The following PCDHGA5 variants were observed in gnomAD, a reference collection of about 807,000 sequenced individuals.
The protein encoded by PCDHGA5 is protocadherin gamma subfamily A, 5.
A neutral mutation model predicts 56.7 loss-of-function variants in PCDHGA5; 36 were observed. That is an observed-to-expected ratio of 0.64 (90% confidence interval 0.49 to 0.84). The LOEUF (loss-of-function observed/expected upper bound fraction) is 0.84, where lower values mean the gene tolerates loss of function less well. Among genes scored for constraint, PCDHGA5 ranks in the 40% least tolerant of loss-of-function variants. The probability of loss-of-function intolerance (pLI) is 0.00; values close to 1 mark genes in which losing one functional copy is unlikely to be tolerated. For missense variants in PCDHGA5, 1,305 were observed against 1,201.5 expected (o/e 1.09, Z -1.27); for synonymous variants, 563 against 520.2 (o/e 1.08, Z -1.12).
intron 1 of PCDHGA5, chr5:141,423,755 G>GGT (rs1554116817): frequency 5.9e-6 from 3 of 512,508 alleles, no homozygotes; most frequent in Non-Finnish European, 7.8e-6. Context: ...CTGTTTGGGG[G>GGT]GGGGGTGGGG....
intron 1 of PCDHGA5, chr5:141,409,596 AC>A: frequency 6.2e-7 from 1 of 1,613,714 alleles, no homozygotes; most frequent in Non-Finnish European, 8.5e-7. Flanking sequence ...GCCGAGAACA[AC>A]CCGCCAGGAG....
At chr5:141,377,416 G>A (rs1455830122) in intron 1 of PCDHGA5, 5 of 151,976 alleles carry the variant, frequency 3.3e-5, no homozygotes, top group Non-Finnish European at 5.9e-5. Context: ...GACCAGCCTG[G>A]GTGACTCTGT....
In PCDHGA5 at chr5:141,491,907, G is replaced by A; in HGVS notation, c.2422-2900G>A. 5 of 1,408,726 alleles carry A rather than the reference G, an allele frequency of 3.5e-6. No homozygotes were observed. In the South Asian group the frequency reaches 7.5e-5, roughly 21 times the overall value. The allele number at this position is 1,408,726 out of a possible 1,614,324, so 87.3% of individuals were successfully genotyped here. A position where few individuals can be genotyped will look rare whatever the true frequency, so the allele number is the denominator to read the frequency against. ...TGGGGCTCCGAGCACCGGGGGTGGTGGCGACTGTGGGCGAGGGGAGGTGGG... is the reference window on the plus strand; with the variant it reads ...TGGGGCTCCGAGCACCGGGGGTGGTAGCGACTGTGGGCGAGGGGAGGTGGG... On this transcript the variant is annotated intron_variant, in intron 1 of 3. Coordinates refer to ENST00000518069, the MANE Select transcript of PCDHGA5 (RefSeq NM_018918.3). This position sits in a 1 kb window ranked among gnomAD's most constrained non-coding sequence, Gnocchi z 6.9.
chr5:141,393,635 C>T, intron 1 of PCDHGA5: 2 of 1,613,868 alleles, frequency 1.2e-6, no homozygotes, highest in East Asian at 4.5e-5. Context: ...AGGGAATCAA[C>T]GGAAAAGTGG....
At position 141,432,778 on chromosome 5, in the gene PCDHGA5, G is replaced by T; in HGVS notation, c.2422-62029G>T. The T allele has an allele frequency of 3.7e-6, 6 of 1,614,166 alleles. No individual in the cohort carries two copies. Among genetic ancestry groups the T allele is most frequent in the Non-Finnish European group, 5.1e-6 (6 of 1,180,002 alleles). ...CCGACAGCATCCCCCAAGTCCTGGCGGACCTCGGCAGCCTCGAGTCTCCAG... is the reference window on the plus strand; with the variant it reads ...CCGACAGCATCCCCCAAGTCCTGGCTGACCTCGGCAGCCTCGAGTCTCCAG... On this transcript the variant is annotated intron_variant, in intron 1 of 3. Transcript: ENST00000518069. The surrounding 1 kb of genome is among the most constrained non-coding windows in gnomAD (Gnocchi z 6.0).
chr5:141,465,440 A>T (rs1478987071), intron 1 of PCDHGA5, among the ~76,000 whole-genome samples: 1 of 152,194 alleles, frequency 6.6e-6, no homozygotes, highest in Non-Finnish European at 1.5e-5. Flanking sequence ...CTTAATGATT[A>T]CCCAAGAAAA....
At chr5:141,495,277 G>A (rs2099760037) in intron 2 of PCDHGA5, among the ~76,000 whole-genome samples, 1 of 152,168 alleles carries the variant, frequency 6.6e-6, no homozygotes, top group African/African-American at 2.4e-5. Context: ...ACCGGAGGAG[G>A]CGGTCCGCAC....
chr5:141,420,238 T>C, intron 1 of PCDHGA5: 2 of 1,594,838 alleles, frequency 1.3e-6, no homozygotes, highest in South Asian at 1.1e-5. Context: ...GCATTTTAAC[T>C]CCCAGCGTTG....
Position 141,490,909 on chromosome 5 carries a change from G to T in PCDHGA5, c.2422-3898G>T. 4 of 1,613,744 alleles carry T rather than the reference G, an allele frequency of 2.5e-6. No individual in the cohort carries two copies. Among genetic ancestry groups the T allele is most frequent in the Non-Finnish European group, 3.4e-6 (4 of 1,179,762 alleles). ...ATCTCTGCATGTGTTTGTCCTAGAC[G>T]AGAATGATAATGCCCCAGCTGTGCT... On this transcript the variant is annotated intron_variant, in intron 1 of 3. Transcript: ENST00000518069. The surrounding 1 kb of genome is among the most constrained non-coding windows in gnomAD (Gnocchi z 5.4).
chr5:141,439,629 A>G (rs1262264623), intron 1 of PCDHGA5, among the ~76,000 whole-genome samples: 1 of 152,208 alleles, frequency 6.6e-6, no homozygotes, highest in East Asian at 1.9e-4. Flanking sequence ...CAATCCCCAG[A>G]CATTCCGGCT....
At chr5:141,396,847 T>G (rs2093444333) in intron 1 of PCDHGA5, among the ~76,000 whole-genome samples, 1 of 152,190 alleles carries the variant, frequency 6.6e-6, no homozygotes. Context: ...GGGAGTTAAC[T>G]TCATAGTTTG....
chr5:141,383,031 T>C (rs778307271), intron 1 of PCDHGA5: 2 of 1,613,670 alleles, frequency 1.2e-6, no homozygotes, highest in African/African-American at 2.7e-5. Flanking sequence ...AAGGGTCCTT[T>C]GTGGGAGACA....
At chr5:141,480,763 A>G (rs541754723) in intron 1 of PCDHGA5, among the ~76,000 whole-genome samples, 1 of 152,308 alleles carries the variant, frequency 6.6e-6, no homozygotes, top group East Asian at 1.9e-4. Flanking sequence ...GAAGGTCCCC[A>G]CTTGATCCTA....
At position 141,477,222 on chromosome 5, in the gene PCDHGA5, C is replaced by T; in HGVS notation, c.2422-17585C>T. Reference sequence around the variant, plus strand: ...GTACCCGAGGATGCCCCTCTGGGGACTGTCATCGCTTTGCTCAGTGTGACT... The same window carrying T: ...GTACCCGAGGATGCCCCTCTGGGGATTGTCATCGCTTTGCTCAGTGTGACT... On this transcript the variant is annotated intron_variant, in intron 1 of 3. Transcript: ENST00000518069. This position sits in a 1 kb window ranked among gnomAD's most constrained non-coding sequence, Gnocchi z 4.9. 2 of 1,614,218 alleles carry T rather than the reference C, an allele frequency of 1.2e-6. No homozygotes were observed. Among genetic ancestry groups the T allele is most frequent in the South Asian group, 1.1e-5 (1 of 91,086 alleles).
At chr5:141,434,608 C>T (rs142418557) in intron 1 of PCDHGA5, among the ~76,000 whole-genome samples, 1,532 of 152,226 alleles carry the variant, frequency 0.01, 34 homozygotes, top group African/African-American at 0.034. Flanking sequence ...CCTTTATTTC[C>T]GCCCATCTCT....
At chr5:141,408,914 A>C in intron 1 of PCDHGA5, 1 of 1,613,446 alleles carries the variant, frequency 6.2e-7, no homozygotes, top group Non-Finnish European at 8.5e-7. Context: ...TACCAATGAT[A>C]ACCCCCCGGT....
chr5:141,486,361 C>T lies in PCDHGA5; in HGVS notation c.2422-8446C>T. 1.2e-6 allele frequency: 2 copies of T among 1,614,086 alleles called. No individual in the cohort carries two copies. The highest frequency in any genetic ancestry group is 1.7e-6 in the Non-Finnish European group (2 of 1,179,994). On this transcript the variant is annotated intron_variant, in intron 1 of 3. Coordinates refer to ENST00000518069, the MANE Select transcript of PCDHGA5 (RefSeq NM_018918.3). This position sits in a 1 kb window ranked among gnomAD's most constrained non-coding sequence, Gnocchi z 5.0. ...GCATTCCTGACCACTTGCCATTTGCCCTCAAGTCTGCCTTCAGGAACCAGT... is the reference window on the plus strand; with the variant it reads ...GCATTCCTGACCACTTGCCATTTGCTCTCAAGTCTGCCTTCAGGAACCAGT...
intron 1 of PCDHGA5, among the ~76,000 whole-genome samples, chr5:141,368,397 A>C (rs1389287908): frequency 1.3e-5 from 2 of 152,166 alleles, no homozygotes; most frequent in African/African-American, 4.8e-5. Flanking sequence ...ACACACAAAC[A>C]CACATACATA....
intron 1 of PCDHGA5, chr5:141,371,710 CTCT>C: frequency 6.2e-7 from 1 of 1,614,076 alleles, no homozygotes; most frequent in Non-Finnish European, 8.5e-7. Flanking sequence ...AAGACCATCA[CTCT>C]GCACATCCTT....
Sources: allele counts gnomAD v4.1 joint callset (sites outside exome capture counted in the v4.1 genomes callset), GRCh38; gene constraint gnomAD v4.1.1; non-coding constraint Gnocchi (gnomAD v3.1); transcripts MANE v1.5; gene names NCBI Gene and HGNC (gene_info 2026-07-23, HGNC 2026-07-21).